The following QSOX1 variants were observed in gnomAD, a reference collection of about 807,000 sequenced individuals.
QSOX1 encodes the protein sulfhydryl oxidase 1.
QSOX1 carries 40 observed loss-of-function variants against 76.1 expected under a neutral mutation model. The ratio of observed to expected loss-of-function variants is 0.53; its 90% confidence interval spans 0.41 to 0.68. QSOX1 has a LOEUF of 0.68. Ranked by LOEUF, QSOX1 falls within the 30% of genes least tolerant of loss-of-function variation. The pLI is 0.00. For missense variants in QSOX1, 931 were observed against 974.3 expected (o/e 0.96, Z 0.59); for synonymous variants, 392 against 413.1 (o/e 0.95, Z 0.62).
intron 5 of QSOX1, among the ~76,000 whole-genome samples, chr1:180,181,032 T>C (rs1465445082): frequency 6.6e-6 from 1 of 152,174 alleles, no homozygotes; most frequent in Non-Finnish European, 1.5e-5. Flanking sequence ...GCAACTGTAG[T>C]GTACGGTGCC....
rs140837427 is a variant in QSOX1, at chr1:180,197,055, C to G, written c.*18C>G. Reference sequence around the variant, plus strand: ...CAGCCTGAACCACCTGGGGAGGAGGCGGGAGAGGGAGCTGCCATCTCTAGG... The same window carrying G: ...CAGCCTGAACCACCTGGGGAGGAGGGGGGAGAGGGAGCTGCCATCTCTAGG... On this transcript the variant is annotated 3_prime_UTR_variant, in exon 12 of 12. Coordinates refer to ENST00000367602, the MANE Select transcript of QSOX1 (RefSeq NM_002826.5). The G allele has an allele frequency of 1.3e-6, 2 of 1,589,452 alleles. No individual in the cohort carries two copies. The highest frequency in any genetic ancestry group is 3.5e-5 in the Admixed American group (2 of 56,464).
chr1:180,180,774 CA>C (rs1242287170), intron 5 of QSOX1, among the ~76,000 whole-genome samples: 2 of 152,186 alleles, frequency 1.3e-5, no homozygotes, highest in Admixed American at 6.5e-5. Flanking sequence ...CTTGGCCTCC[CA>C]AAATGCTGGA....
intron 4 of QSOX1, among the ~76,000 whole-genome samples, chr1:180,178,226 C>A (rs1306031665): frequency 6.6e-6 from 1 of 152,134 alleles, no homozygotes; most frequent in Non-Finnish European, 1.5e-5. Flanking sequence ...TACCCACTTC[C>A]GACTCTTTTT....
At position 180,200,008 on chromosome 1, in the gene QSOX1, G is replaced by A. The variant is rs141527330; in HGVS notation, c.*2971G>A. On this transcript the variant is annotated 3_prime_UTR_variant, in exon 12 of 12. Transcript: ENST00000367602. ...GGGGGTGGAGGAGAGGGCTCCAGGG[G>A]ACCCAGCCAGCCTTGACCCTGGAGG... 0.011 allele frequency: 1,751 copies of A among 152,358 alleles called. 16 individuals are homozygous for A. The highest frequency in any genetic ancestry group is 0.024 in the Middle Eastern group (7 of 296). 9.4% of individuals were successfully genotyped at this position (152,358 alleles called of 1,614,324 possible). A position where few individuals can be genotyped will look rare whatever the true frequency, so the allele number is the denominator to read the frequency against.
intron 8 of QSOX1, among the ~76,000 whole-genome samples, chr1:180,186,941 G>A (rs763447925): frequency 3.3e-5 from 5 of 152,176 alleles, no homozygotes; most frequent in East Asian, 1.9e-4. Context: ...TGGCCATTGC[G>A]TCCCTGCTGG....
chr1:180,194,521 TA>T, intron 11 of QSOX1, 129 bp downstream of exon 11: 3 of 858,394 alleles, frequency 3.5e-6, no homozygotes, highest in Non-Finnish European at 5.1e-6. Flanking sequence ...CCAGGCCTGT[TA>T]ACCAATGCCA....
intron 10 of QSOX1, among the ~76,000 whole-genome samples, chr1:180,192,700 A>G (rs1031595946): frequency 6.6e-6 from 1 of 152,128 alleles, no homozygotes; most frequent in East Asian, 1.9e-4. Context: ...GGTGGAATCA[A>G]TGGCCCGCTT....
chr1:180,185,883 T>C (rs1008119115), intron 7 of QSOX1, among the ~76,000 whole-genome samples, 170 bp from the exon 8 acceptor site: 1 of 152,240 alleles, frequency 6.6e-6, no homozygotes, highest in Non-Finnish European at 1.5e-5. Flanking sequence ...TTAGGTAATT[T>C]ACCCAAGGTC....
intron 2 of QSOX1, among the ~76,000 whole-genome samples, chr1:180,169,154 G>A (rs1662705713): frequency 6.6e-6 from 1 of 152,238 alleles, no homozygotes; most frequent in South Asian, 2.1e-4. Flanking sequence ...TCAGGTTGGA[G>A]CCAGAGCCCA....
intron 11 of QSOX1, among the ~76,000 whole-genome samples, chr1:180,195,169 T>C (rs1663438787): frequency 6.6e-6 from 1 of 152,096 alleles, no homozygotes; most frequent in African/African-American, 2.4e-5. Context: ...AATGCTCCAT[T>C]TGACCCTTCA....
chr1:180,172,114 G>A (rs548698457), intron 2 of QSOX1, among the ~76,000 whole-genome samples: 10 of 152,220 alleles, frequency 6.6e-5, no homozygotes, highest in African/African-American at 9.6e-5. Context: ...AAGGAAATGC[G>A]GTTACTCGAG....
At chr1:180,179,122 T>A (rs1368729099) in intron 5 of QSOX1, among the ~76,000 whole-genome samples, 1 of 152,258 alleles carries the variant, frequency 6.6e-6, no homozygotes, top group African/African-American at 2.4e-5. Context: ...CCTGCTGTTA[T>A]TGAGCATTGG....
chr1:180,185,796 T>G (rs1663155604), intron 7 of QSOX1, among the ~76,000 whole-genome samples: 1 of 152,230 alleles, frequency 6.6e-6, no homozygotes, highest in Non-Finnish European at 1.5e-5. Flanking sequence ...TGTGCTTTTA[T>G]TTGATCCTCT....
chr1:180,156,849 ACAT>A, intron 1 of QSOX1, among the ~76,000 whole-genome samples: 1 of 152,312 alleles, frequency 6.6e-6, no homozygotes, highest in Non-Finnish European at 1.5e-5. Context: ...GTGGGCATGA[ACAT>A]CATAAAAATT....
intron 5 of QSOX1, 43 bp downstream of exon 5, chr1:180,178,927 G>A: frequency 6.5e-7 from 1 of 1,549,232 alleles, no homozygotes; most frequent in Non-Finnish European, 8.9e-7. Flanking sequence ...GATAGCCATG[G>A]AGAGAGAGCC....
At chr1:180,193,711 G>A (rs1175065566) in intron 10 of QSOX1, among the ~76,000 whole-genome samples, 1 of 151,840 alleles carries the variant, frequency 6.6e-6, no homozygotes, top group African/African-American at 2.4e-5. Flanking sequence ...GGGGGTGGGG[G>A]GAATGGAAGG....
At position 180,155,165 on chromosome 1, in the gene QSOX1, C is replaced by T; in HGVS notation, c.258C>T (p.Asp86=). 1 of 1,507,958 alleles carries T rather than the reference C, an allele frequency of 6.6e-7. No individual in the cohort carries two copies. The highest frequency in any genetic ancestry group is 8.8e-7 in the Non-Finnish European group (1 of 1,132,258). 93.4% of individuals were successfully genotyped at this position (1,507,958 alleles called of 1,614,324 possible). A position where few individuals can be genotyped will look rare whatever the true frequency, so the allele number is the denominator to read the frequency against. The stretch of plus-strand genomic sequence containing the variant: ...CGACGTGGAAGGCGCTGGCCGAAGA[C>T]GTCAAAGGTGAGAAGCGGGGGCGGC... ...FAPTWKALAE[D]VKAWRPALYL... Residue 86 remains aspartate (D), a synonymous_variant, in exon 1 of 12, where the codon GAC becomes GAT. Transcript: ENST00000367602.
chr1:180,178,953 G>A, intron 5 of QSOX1, 69 bp downstream of exon 5: 5 of 1,409,540 alleles, frequency 3.5e-6, no homozygotes, highest in Non-Finnish European at 5.0e-6. Context: ...TTGGGAGCAG[G>A]GCTTTTCCTG....
chr1:180,201,226 C>T lies in QSOX1; in HGVS notation c.*4189C>T, dbSNP rs10913946. ...AGAGGAGAGGTTTTTCCTGCAGGGC[C>T]TTCCAGAGAAAGGATTCTTGGCCAG... On this transcript the variant is annotated 3_prime_UTR_variant, in exon 12 of 12. Transcript: ENST00000367602. 0.73 allele frequency: 110,584 copies of T among 152,042 alleles called. 40,543 individuals are homozygous for T. Among genetic ancestry groups the T allele is most frequent in the Non-Finnish European group, 0.75 (50,696 of 67,970 alleles). 9.4% of individuals were successfully genotyped at this position (152,042 alleles called of 1,614,324 possible).
Sources: gnomAD v4.1 joint callset for allele counts (sites outside exome capture counted in the v4.1 genomes callset) on GRCh38, gnomAD v4.1.1 for gene constraint, MANE v1.5 for transcripts, NCBI Gene and HGNC (gene_info 2026-07-23, HGNC 2026-07-21) for gene names.